The following PRMT9 variants were observed in gnomAD, a reference collection of about 807,000 sequenced individuals.
PRMT9 encodes the protein protein arginine methyltransferase 9.
In PRMT9, 59 loss-of-function variants were observed where a neutral mutation model predicts 83.2. That is an observed-to-expected ratio of 0.71 (90% CI 0.57 to 0.88). The LOEUF (loss-of-function observed/expected upper bound fraction) is 0.88, where lower values mean the gene tolerates loss of function less well. PRMT9 is among the 40% of genes least tolerant of loss of function. The pLI, the probability that PRMT9 is intolerant of heterozygous loss-of-function variation, is 0.00. For missense variants in PRMT9, 947 were observed against 1,021.9 expected (o/e 0.93, Z 1.00); for synonymous variants, 333 against 353.2 (o/e 0.94, Z 0.64).
intron 8 of PRMT9, among the ~76,000 whole-genome samples, chr4:147,656,703 C>T (rs368784332): frequency 1.2e-4 from 15 of 125,634 alleles, no homozygotes; most frequent in African/African-American, 3.8e-4. Context: ...ACCCAAGAGG[C>T]GGAGGTTGCA....
intron 6 of PRMT9, among the ~76,000 whole-genome samples, chr4:147,664,773 T>C (rs1171185155): frequency 6.6e-6 from 1 of 152,126 alleles, no homozygotes; most frequent in African/African-American, 2.4e-5. Context: ...CTGCATGTTC[T>C]GCACATGTAT....
chr4:147,642,668 G>A, intron 10 of PRMT9, 119 bp downstream of exon 10: 3 of 888,900 alleles, frequency 3.4e-6, no homozygotes, highest in Non-Finnish European at 5.6e-6. Flanking sequence ...CTAAGTCACT[G>A]TGATTAATCC....
At chr4:147,677,524 GCT>G (rs1304854538) in intron 2 of PRMT9, among the ~76,000 whole-genome samples, 2 of 141,448 alleles carry the variant, frequency 1.4e-5, no homozygotes, top group African/African-American at 5.3e-5. Context: ...CGCAATTTTG[GCT>G]CACTGCAACC....
intron 1 of PRMT9, among the ~76,000 whole-genome samples, chr4:147,681,872 G>C (rs1446118637): frequency 6.6e-6 from 1 of 152,086 alleles, no homozygotes; most frequent in Non-Finnish European, 1.5e-5. Context: ...TTTGGGTATG[G>C]GGAATAGAGT....
intron 6 of PRMT9, among the ~76,000 whole-genome samples, chr4:147,666,784 T>C (rs2126620735): frequency 6.6e-6 from 1 of 150,528 alleles, no homozygotes; most frequent in East Asian, 2.0e-4. Flanking sequence ...TGTCAACACC[T>C]TTCTTCATAG....
chr4:147,662,471 T>G (rs988010063), intron 6 of PRMT9, among the ~76,000 whole-genome samples: 5 of 152,186 alleles, frequency 3.3e-5, no homozygotes, highest in South Asian at 2.1e-4. Flanking sequence ...AACTTATGGC[T>G]TACACACTTG....
intron 1 of PRMT9, among the ~76,000 whole-genome samples, chr4:147,683,194 T>G (rs922391506): frequency 5.3e-5 from 8 of 152,066 alleles, no homozygotes; most frequent in Admixed American, 5.2e-4. Context: ...ACACACAATA[T>G]AACAAATCCA....
intron 2 of PRMT9, among the ~76,000 whole-genome samples, chr4:147,675,990 G>T (rs1464022389): frequency 2.0e-5 from 3 of 152,088 alleles, no homozygotes; most frequent in East Asian, 1.9e-4. Flanking sequence ...CGCTATTTTT[G>T]ATGACAAAAG....
At chr4:147,661,117 G>GA (rs1177955914) in intron 6 of PRMT9, 79 bp from the exon 7 acceptor site, 2 of 900,162 alleles carry the variant, frequency 2.2e-6, no homozygotes, top group East Asian at 2.4e-5. Flanking sequence ...ACTGAGTCCA[G>GA]AAAAAAATAC....
Position 147,659,968 on chromosome 4 carries a change from T to G in PRMT9, c.1146+878A>C, listed in dbSNP as rs955295268. 2.6e-5 allele frequency among the ~76,000 whole-genome samples: 4 copies of G among 152,176 alleles called. No homozygotes were observed. In the South Asian group the frequency reaches 8.3e-4, roughly 32 times the overall value. On this transcript the variant is annotated intron_variant, in intron 7 of 11. Coordinates refer to ENST00000322396, the MANE Select transcript of PRMT9 (RefSeq NM_138364.4). ...GCTTCTCTTGCTTTTCCTAGGAATGTCTTAGTTTCAAAATAGAAAGTCTCA... is the reference window on the plus strand; with the variant it reads ...GCTTCTCTTGCTTTTCCTAGGAATGGCTTAGTTTCAAAATAGAAAGTCTCA...
intron 4 of PRMT9, 54 bp downstream of exon 4, chr4:147,672,905 A>C (rs1735823479): frequency 6.9e-7 from 1 of 1,447,588 alleles, no homozygotes. Context: ...AATATATCTT[A>C]GTTTTTTAAA....
In PRMT9 at chr4:147,654,058, G is replaced by A. The variant is rs775708248; in HGVS notation, c.1839C>T (p.Asp613=). Residue 613 remains aspartate (D), a synonymous_variant, in exon 9 of 12, where the codon GAC becomes GAT. Transcript: ENST00000322396. Reference sequence around the variant, plus strand: ...TGAGGTCCAGAGCAATACGATGCTGGTCTTTCTCCACAGAACTGTATGGTT... The same window carrying A: ...TGAGGTCCAGAGCAATACGATGCTGATCTTTCTCCACAGAACTGTATGGTT... ...QVKPYSSVEK[D]QHRIALDLIS... The A allele has an allele frequency of 3.1e-6, 5 of 1,614,188 alleles. No homozygotes were observed. The South Asian group carries it at 5.5e-5, about 18-fold the overall frequency.
chr4:147,665,150 G>GTCTGGCT (rs1421463474), intron 6 of PRMT9, among the ~76,000 whole-genome samples: 1 of 141,834 alleles, frequency 7.1e-6, no homozygotes, highest in Non-Finnish European at 1.5e-5. Context: ...AAAAGATGTT[G>GTCTGGCT]TCTGGCTTCT....
chr4:147,680,379 C>G lies in PRMT9; in HGVS notation c.282G>C (p.Leu94Phe). 6.2e-7 allele frequency: 1 copy of G among 1,614,090 alleles called. No homozygotes were observed. The highest frequency in any genetic ancestry group is 8.5e-7 in the Non-Finnish European group (1 of 1,179,948). Residue 94 changes from leucine (L) to phenylalanine (F), a missense_variant, in exon 2 of 12, where the codon TTG becomes TTC. Physicochemically the swap from Leu to Phe is conservative, Grantham distance 22. Coordinates refer to ENST00000322396, the MANE Select transcript of PRMT9 (RefSeq NM_138364.4). ...TCACTTCATCATCAGGAAACAGTTC[C>G]AAGGCCTGCTCATAGCAACCAAGTA... is the stretch of plus-strand genomic sequence containing the variant. Reference protein sequence around the residue: ...QDLLGCYEQALELFPDDEVIC... With the variant: ...QDLLGCYEQAFELFPDDEVIC...
In PRMT9 at chr4:147,646,457, AAG is replaced by A. The variant is rs369926518; in HGVS notation, c.2046-3519_2046-3518del. 1.4e-3 allele frequency among the ~76,000 whole-genome samples: 217 copies of A among 152,256 alleles called. 1 individual carries two copies. Among genetic ancestry groups the A allele is most frequent in the African/African-American group, 4.7e-3 (194 of 41,540 alleles). On this transcript the variant is annotated intron_variant, in intron 9 of 11. Transcript: ENST00000322396. ...TTGTAGCTATGTAATCTATGGGAGAAAGAGAGTTGGAGAACGATACCATGTGA... is the reference window on the plus strand; with the variant it reads ...TTGTAGCTATGTAATCTATGGGAGAAAGAGTTGGAGAACGATACCATGTGA...
chr4:147,651,193 AC>A (rs759340110), intron 9 of PRMT9, among the ~76,000 whole-genome samples: 59 of 152,244 alleles, frequency 3.9e-4, no homozygotes, highest in Non-Finnish European at 7.8e-4. Context: ...ATATACAAAA[AC>A]ATGTATATTT....
At chr4:147,660,067 T>C (rs1357784297) in intron 7 of PRMT9, among the ~76,000 whole-genome samples, 6 of 152,118 alleles carry the variant, frequency 3.9e-5, no homozygotes, top group Non-Finnish European at 7.4e-5. Context: ...ACCTAGAGAT[T>C]TGGATTATTG....
intron 10 of PRMT9, among the ~76,000 whole-genome samples, chr4:147,641,102 AT>A (rs1485745517): frequency 6.6e-6 from 1 of 152,166 alleles, no homozygotes; most frequent in African/African-American, 2.4e-5. Context: ...TCTCACCTGG[AT>A]TACTACAATA....
chr4:147,640,143 G>A (rs1334719754), intron 10 of PRMT9, among the ~76,000 whole-genome samples: 2 of 128,338 alleles, frequency 1.6e-5, no homozygotes, highest in East Asian at 2.6e-4. Flanking sequence ...TACAATCACA[G>A]CTCACTGCAA....
Sources: allele counts gnomAD v4.1 joint callset (sites outside exome capture counted in the v4.1 genomes callset), GRCh38; gene constraint gnomAD v4.1.1; transcripts MANE v1.5; gene names NCBI Gene and HGNC (gene_info 2026-07-23, HGNC 2026-07-21).